Variants in ARFGEF2 observed in about 807,000 individuals in gnomAD.
ARFGEF2 encodes the protein brefeldin A-inhibited guanine nucleotide-exchange protein 2.
In ARFGEF2, 74 loss-of-function variants were observed where a neutral mutation model predicts 219.9. That is an observed-to-expected ratio of 0.34 (90% CI 0.28 to 0.41). The LOEUF (loss-of-function observed/expected upper bound fraction) is 0.41. ARFGEF2 is among the 10% of genes least tolerant of loss of function. The pLI is 1.00. For synonymous variants in ARFGEF2, 733 were observed against 799.2 expected (o/e 0.92, Z 1.40); for missense variants, 1,743 against 2,218.3 (o/e 0.79, Z 4.30).
intron 38 of ARFGEF2, 34 bp from the exon 39 acceptor site, chr20:49,032,989 T>A: frequency 6.2e-7 from 1 of 1,600,312 alleles, no homozygotes; most frequent in African/African-American, 1.4e-5. Context: ...AAAAAAAAAT[T>A]GTCTAATTTT....
In ARFGEF2 at chr20:48,952,788, C is replaced by T; in HGVS notation, c.507C>T (p.Ile169=). 1 of 1,614,208 alleles carries T rather than the reference C, an allele frequency of 6.2e-7. No individual in the cohort carries two copies. The highest frequency in any genetic ancestry group is 8.5e-7 in the Non-Finnish European group (1 of 1,180,016). Residue 169 remains isoleucine (I), a synonymous_variant, in exon 5 of 39, where the codon ATC becomes ATT. Coordinates refer to ENST00000371917, the MANE Select transcript of ARFGEF2 (RefSeq NM_006420.3). Reference sequence around the variant, plus strand: ...AGACAGTGAGAACATGTTACAATATCTATTTGGCCAGCAAAAATCTCATCA... The same window carrying T: ...AGACAGTGAGAACATGTTACAATATTTATTTGGCCAGCAAAAATCTCATCA... ...ILQTVRTCYN[I]YLASKNLINQ...
intron 25 of ARFGEF2, among the ~76,000 whole-genome samples, chr20:49,001,308 G>A (rs1245870374): frequency 6.6e-6 from 1 of 152,068 alleles, no homozygotes; most frequent in African/African-American, 2.4e-5. Flanking sequence ...CGAAAGTGTT[G>A]CGATTACAGG....
chr20:48,930,972 A>G (rs560630759), intron 1 of ARFGEF2, among the ~76,000 whole-genome samples: 1 of 152,310 alleles, frequency 6.6e-6, no homozygotes, highest in East Asian at 1.9e-4. Context: ...CGAAGTCGAG[A>G]AAATTTGAGA....
chr20:48,989,700 C>T lies in ARFGEF2; in HGVS notation c.2814+16C>T. 6.2e-7 allele frequency: 1 copy of T among 1,613,952 alleles called. No homozygotes were observed. ...TGGAATGCAGGTAGGTGTAAGTCAG[C>T]AACACTCCAGAGATACTGGTGGGTT... On this transcript the variant is annotated intron_variant, in intron 20 of 38. Transcript: ENST00000371917.
At chr20:48,940,517 T>C (rs1365914019) in intron 1 of ARFGEF2, among the ~76,000 whole-genome samples, 2 of 152,250 alleles carry the variant, frequency 1.3e-5, no homozygotes, top group Non-Finnish European at 2.9e-5. Flanking sequence ...AGTTGAGATG[T>C]TGTGATATTA....
intron 3 of ARFGEF2, among the ~76,000 whole-genome samples, chr20:48,943,252 A>G (rs1302896574): frequency 6.6e-6 from 1 of 152,222 alleles, no homozygotes; most frequent in East Asian, 1.9e-4. Flanking sequence ...TGCTCTGTGC[A>G]TGTCTACAAA....
intron 26 of ARFGEF2, among the ~76,000 whole-genome samples, chr20:49,008,429 G>A (rs1029436193): frequency 6.6e-6 from 1 of 151,984 alleles, no homozygotes; most frequent in Admixed American, 6.6e-5. Context: ...CGGGTGTGGT[G>A]GTGTATGCCT....
chr20:48,941,224 G>A lies in ARFGEF2; in HGVS notation c.147G>A (p.Lys49=), dbSNP rs1464675613. The change falls in exon 2 of 39, where the codon AAG becomes AAA. Residue 49 remains lysine (K), a synonymous_variant. Transcript: ENST00000371917. ...ALDEIKAEIE[K]QRLGTAAPPK... ...ATGAAATTAAAGCAGAAATAGAAAA[G>A]CAGAGGTAAGCTATAGCACTACCTC... 9.9e-6 allele frequency: 16 copies of A among 1,613,356 alleles called. No individual in the cohort carries two copies. The highest frequency in any genetic ancestry group is 1.7e-5 in the Admixed American group (1 of 59,964).
At chr20:48,925,911 A>T (rs2090874015) in intron 1 of ARFGEF2, among the ~76,000 whole-genome samples, 1 of 152,222 alleles carries the variant, frequency 6.6e-6, no homozygotes, top group Non-Finnish European at 1.5e-5. Flanking sequence ...AAGAAAATTT[A>T]AAAAGAATAG....
chr20:49,023,511 G>GT (rs1568743605), intron 35 of ARFGEF2, among the ~76,000 whole-genome samples: 1 of 149,206 alleles, frequency 6.7e-6, no homozygotes, highest in Non-Finnish European at 1.5e-5. Context: ...TTGATATACA[G>GT]TTTTTTTTCT....
At chr20:48,994,922 G>A (rs890475091) in intron 22 of ARFGEF2, among the ~76,000 whole-genome samples, 2 of 152,090 alleles carry the variant, frequency 1.3e-5, no homozygotes, top group Admixed American at 6.6e-5. Context: ...GTGTCTCTAG[G>A]TTTTAAAGGG....
chr20:48,988,320 A>G lies in ARFGEF2; in HGVS notation c.2293A>G (p.Ser765Gly). The change falls in exon 17 of 39, where the codon AGT (serine) becomes GGT (glycine). Residue 765 changes from serine to glycine, a missense_variant. By Grantham distance (56) the Ser-to-Gly change is moderately conservative. This residue lies in a region of ARFGEF2 where 666 missense variants were observed against 955.4 expected (regional missense o/e 0.70). Coordinates refer to ENST00000371917, the MANE Select transcript of ARFGEF2 (RefSeq NM_006420.3). ...TTTCTCCAGGCAAACTCTGTTTGCT[A>G]GTGCTGACACTGCTTATGTCCTAGC... is the stretch of plus-strand genomic sequence containing the variant. ...ECNQGQTLFASADTAYVLAYS... is the reference protein window; with the variant it reads ...ECNQGQTLFAGADTAYVLAYS... The G allele has an allele frequency of 6.2e-7, 1 of 1,613,594 alleles. No individual in the cohort carries two copies. The highest frequency in any genetic ancestry group is 8.5e-7 in the Non-Finnish European group (1 of 1,179,942).
At chr20:49,020,136 G>C (rs1884890) in intron 34 of ARFGEF2, among the ~76,000 whole-genome samples, 15,081 of 152,056 alleles carry the variant, frequency 0.099, 1,008 homozygotes, top group African/African-American at 0.19. Context: ...ACACATTTTT[G>C]GCAGCCTGAG....
chr20:48,965,422 T>C (rs1189599649), intron 7 of ARFGEF2, among the ~76,000 whole-genome samples: 1 of 152,246 alleles, frequency 6.6e-6, no homozygotes, highest in East Asian at 1.9e-4. Flanking sequence ...AATTCCCTTT[T>C]TTCACATGGC....
intron 37 of ARFGEF2, among the ~76,000 whole-genome samples, chr20:49,028,909 T>C (rs1456920219): frequency 6.6e-6 from 1 of 152,210 alleles, no homozygotes; most frequent in African/African-American, 2.4e-5. Flanking sequence ...CTGTGAGCTA[T>C]GCATAGAAAC....
chr20:48,966,434 T>C lies in ARFGEF2; in HGVS notation c.1059+411T>C, dbSNP rs1245876477. Among the ~76,000 whole-genome samples, 4 of 152,178 alleles carry C rather than the reference T, an allele frequency of 2.6e-5. No individual in the cohort carries two copies. The East Asian group carries it at 5.8e-4, about 22-fold the overall frequency. ...ACATCTTACTTAAATCCATCTAGAT[T>C]TTTCTCCATCTCACGTATTTTTCCA... On this transcript the variant is annotated intron_variant, in intron 8 of 38. Transcript: ENST00000371917.
intron 15 of ARFGEF2, 92 bp downstream of exon 15, chr20:48,984,932 GTACATTGTCTGTTGTCCACCCCCGGGTTA>G (rs1441376979): frequency 1.3e-6 from 2 of 1,599,812 alleles, no homozygotes; most frequent in Non-Finnish European, 8.5e-7. Context: ...CTGGCCCTAA[GTACATTGTCTGTTGTCCACCCCCGGGTTA>G]TACATTGTCT....
chr20:49,032,973 C>A lies in ARFGEF2; in HGVS notation c.5182-50C>A, dbSNP rs747863609. 6.7e-4 allele frequency: 872 copies of A among 1,300,914 alleles called. 1 individual carries two copies. In the African/African-American group the frequency reaches 8.4e-3, roughly 13 times the overall value. 80.6% of individuals were successfully genotyped at this position (1,300,914 alleles called of 1,614,324 possible). ...TTAACACTTCTGAAAAACTGGTGCCCAAAAAAAAAAAAAATTGTCTAATTT... is the reference window on the plus strand; with the variant it reads ...TTAACACTTCTGAAAAACTGGTGCCAAAAAAAAAAAAAAATTGTCTAATTT... On this transcript the variant is annotated intron_variant, in intron 38 of 38. Transcript: ENST00000371917.
At chr20:48,931,836 G>A (rs1600584951) in intron 1 of ARFGEF2, among the ~76,000 whole-genome samples, 1 of 152,202 alleles carries the variant, frequency 6.6e-6, no homozygotes, top group African/African-American at 2.4e-5. Flanking sequence ...GGCCAAGATC[G>A]AGAGTTTTAA....
Sources: gnomAD v4.1 joint callset for allele counts (sites outside exome capture counted in the v4.1 genomes callset) on GRCh38, gnomAD v4.1.1 for gene constraint, gnomAD v4.1.1 regional missense constraint, MANE v1.5 for transcripts, NCBI Gene and HGNC (gene_info 2026-07-23, HGNC 2026-07-21) for gene names.